SDK1: variants seen among roughly 807,000 people sequenced by gnomAD.
SDK1 encodes the protein sidekick cell adhesion molecule 1.
SDK1 carries 157 observed loss-of-function variants against 245.5 expected under a neutral mutation model. The observed-to-expected ratio is 0.64, with a 90% CI of 0.56 to 0.73. The LOEUF (loss-of-function observed/expected upper bound fraction) is 0.73, where lower values mean the gene tolerates loss of function less well. Among genes scored for constraint, SDK1 ranks in the 30% least tolerant of loss-of-function variants. The pLI is 0.00. For synonymous variants in SDK1, 1,647 were observed against 1,278.5 expected (o/e 1.29, Z -6.15); for missense variants, 3,583 against 3,002.3 (o/e 1.19, Z -4.52).
At chr7:3,334,855 T>C (rs1780158734) in intron 1 of SDK1, among the ~76,000 whole-genome samples, 1 of 152,186 alleles carries the variant, frequency 6.6e-6, no homozygotes, top group South Asian at 2.1e-4. Context: ...ACATCTAATA[T>C]GTTTGAAACC....
chr7:3,408,225 G>A (rs1779104069), intron 1 of SDK1, among the ~76,000 whole-genome samples: 1 of 151,744 alleles, frequency 6.6e-6, no homozygotes, highest in African/African-American at 2.4e-5. Context: ...CATAATTTTA[G>A]TAGAGATGGG....
intron 1 of SDK1, among the ~76,000 whole-genome samples, chr7:3,383,534 A>G (rs1414177938): frequency 4.6e-5 from 7 of 152,186 alleles, no homozygotes; most frequent in African/African-American, 1.7e-4. Context: ...TTTTGTGCTT[A>G]TTTGAGACAC....
chr7:3,434,022 T>G (rs887356463), intron 1 of SDK1, among the ~76,000 whole-genome samples: 36 of 152,202 alleles, frequency 2.4e-4, no homozygotes, highest in African/African-American at 8.4e-4. Context: ...TCTGATGATT[T>G]AAAGTAGTGT....
chr7:4,138,990 G>C (rs145734925), intron 28 of SDK1, among the ~76,000 whole-genome samples: 1,537 of 152,298 alleles, frequency 0.01, 37 homozygotes, highest in African/African-American at 0.035. Context: ...ATACATTCAA[G>C]GGGTGCCCCC....
intron 22 of SDK1, among the ~76,000 whole-genome samples, chr7:4,083,967 C>T (rs1188597139): frequency 6.6e-6 from 1 of 152,014 alleles, no homozygotes; most frequent in Non-Finnish European, 1.5e-5. Context: ...TGATGCCTAC[C>T]TTGTGAATTT....
intron 1 of SDK1, among the ~76,000 whole-genome samples, chr7:3,611,502 C>T (rs1187759798): frequency 6.6e-6 from 1 of 152,076 alleles, no homozygotes; most frequent in Non-Finnish European, 1.5e-5. Context: ...AGGACTTTGT[C>T]CTAAAACAAT....
intron 3 of SDK1, among the ~76,000 whole-genome samples, chr7:3,641,153 A>G (rs1206938600): frequency 1.3e-5 from 2 of 152,198 alleles, no homozygotes; most frequent in Admixed American, 6.5e-5. Context: ...TGAAGAAGAC[A>G]TTGATAATAG....
At chr7:3,390,269 G>A (rs1781715460) in intron 1 of SDK1, among the ~76,000 whole-genome samples, 1 of 152,140 alleles carries the variant, frequency 6.6e-6, no homozygotes, top group South Asian at 2.1e-4. Flanking sequence ...GAATAGCAGG[G>A]TTGTAGAGAA....
chr7:4,168,277 A>G lies in SDK1; in HGVS notation c.4801-5945A>G, dbSNP rs571885410. Among the ~76,000 whole-genome samples, 141 of 152,348 alleles carry G rather than the reference A, an allele frequency of 9.3e-4. 1 individual carries two copies. Among genetic ancestry groups the G allele is most frequent in the African/African-American group, 3.1e-3 (129 of 41,574 alleles). On this transcript the variant is annotated intron_variant, in intron 32 of 44. Transcript: ENST00000404826. ...AGGAGCGGATGCATTTTGACTCTTC[A>G]GTGATTTCTGGTGCAAACAGCATCA...
intron 5 of SDK1, among the ~76,000 whole-genome samples, chr7:3,918,550 C>T (rs568295535): frequency 1.1e-4 from 16 of 152,294 alleles, no homozygotes; most frequent in African/African-American, 3.1e-4. Context: ...ACTGATTCTA[C>T]GTGATGGTGA....
chr7:4,196,521 C>T (rs961606771), intron 35 of SDK1, among the ~76,000 whole-genome samples: 2 of 152,176 alleles, frequency 1.3e-5, no homozygotes, highest in African/African-American at 4.8e-5. Flanking sequence ...CAGCTGCTGG[C>T]CCCTCCCTGC....
chr7:3,796,520 C>CT (rs1491234318), intron 4 of SDK1, among the ~76,000 whole-genome samples: 1 of 146,738 alleles, frequency 6.8e-6, no homozygotes, highest in African/African-American at 2.7e-5. Flanking sequence ...ATGCCCCTCT[C>CT]CCCCCCAGCC....
intron 17 of SDK1, among the ~76,000 whole-genome samples, chr7:4,047,735 T>A (rs1789124448): frequency 6.6e-6 from 1 of 152,226 alleles, no homozygotes; most frequent in South Asian, 2.1e-4. Flanking sequence ...CCTGACTCCT[T>A]GGACAGGCCC....
chr7:3,707,416 C>A (rs1410284072), intron 4 of SDK1, among the ~76,000 whole-genome samples: 1 of 152,178 alleles, frequency 6.6e-6, no homozygotes, highest in Non-Finnish European at 1.5e-5. Flanking sequence ...AGAGAAAATA[C>A]TTGAAGTGAT....
At chr7:3,864,061 G>C (rs1006486459) in intron 5 of SDK1, among the ~76,000 whole-genome samples, 14 of 152,094 alleles carry the variant, frequency 9.2e-5, no homozygotes, top group African/African-American at 3.4e-4. Flanking sequence ...GTGCACACAG[G>C]TTCCAATTTT....
rs368496975 is a variant in SDK1 at position 4,221,345 on chromosome 7, G to T, written c.5808G>T (p.Val1936=). Residue 1936 remains valine (V), a synonymous_variant, in exon 40 of 45, where the codon GTG becomes GTT. Transcript: ENST00000404826. The part of the protein sequence containing the change: ...HSGDTPTTGY[V]IEARPSDEGL... ...GCGACACACCTACCACGGGCTATGTGATCGAGGCCCGGCCCTCAGGTAGGG... is the reference window on the plus strand; with the variant it reads ...GCGACACACCTACCACGGGCTATGTTATCGAGGCCCGGCCCTCAGGTAGGG... The T allele has an allele frequency of 1.2e-6, 2 of 1,610,882 alleles. No homozygotes were observed. Among genetic ancestry groups the T allele is most frequent in the African/African-American group, 1.3e-5 (1 of 74,998 alleles).
chr7:3,331,138 C>G (rs1472355006), intron 1 of SDK1, among the ~76,000 whole-genome samples: 1 of 152,036 alleles, frequency 6.6e-6, no homozygotes, highest in Non-Finnish European at 1.5e-5. Context: ...GTGGTGTGCG[C>G]CTGTAATCCT....
intron 5 of SDK1, among the ~76,000 whole-genome samples, chr7:3,946,268 C>G (rs1408750246): frequency 1.3e-5 from 2 of 152,044 alleles, no homozygotes. Flanking sequence ...GCCTCAACCT[C>G]CTGGGCTCAA....
At chr7:3,897,989 T>C (rs1008998179) in intron 5 of SDK1, among the ~76,000 whole-genome samples, 2 of 152,080 alleles carry the variant, frequency 1.3e-5, no homozygotes, top group African/African-American at 2.4e-5. Context: ...TTTCCTTCCA[T>C]GTGTGCACAG....
Sources: gnomAD v4.1 joint callset for allele counts (sites outside exome capture counted in the v4.1 genomes callset) on GRCh38, gnomAD v4.1.1 for gene constraint, MANE v1.5 for transcripts, NCBI Gene and HGNC (gene_info 2026-07-23, HGNC 2026-07-21) for gene names.